Variants in DYM observed in about 807,000 individuals in gnomAD.
The protein encoded by DYM is dyggve-Melchior-Clausen syndrome protein.
In DYM, 78 loss-of-function variants were observed where a neutral mutation model predicts 93.1. That is an observed-to-expected ratio of 0.84 (90% CI 0.70 to 1.01). The LOEUF (loss-of-function observed/expected upper bound fraction) is 1.01. Ranked by LOEUF, DYM falls within the 50% of genes least tolerant of loss-of-function variation. DYM has a pLI of 0.00. For missense variants in DYM, 789 were observed against 845.0 expected (o/e 0.93, Z 0.82); for synonymous variants, 321 against 319.7 (o/e 1.00, Z -0.04).
intron 3 of DYM, among the ~76,000 whole-genome samples, chr18:49,391,218 T>G (rs1209337955): frequency 6.6e-6 from 1 of 152,226 alleles, no homozygotes; most frequent in Non-Finnish European, 1.5e-5. Context: ...TGCCATAATA[T>G]CAAGTTGTTA....
intron 8 of DYM, among the ~76,000 whole-genome samples, chr18:49,311,902 T>A (rs924346972): frequency 4.6e-5 from 7 of 151,054 alleles, no homozygotes; most frequent in Non-Finnish European, 7.4e-5. Context: ...AGAATTCACA[T>A]GAGAGATGAT....
chr18:49,084,607 T>C lies in DYM; in HGVS notation c.2025+12795A>G, dbSNP rs1430016558. Among the ~76,000 whole-genome samples, 9 of 152,342 alleles carry C rather than the reference T, an allele frequency of 5.9e-5. No individual in the cohort carries two copies. The East Asian group carries it at 1.7e-3, about 29-fold the overall frequency. ...TTCAGTTCTGTCAAGTTTTGTTTCA[T>C]TTATTTTGGGGAATTTTTTTAGTAG... On this transcript the variant is annotated intron_variant, in intron 17 of 17. Coordinates refer to ENST00000675505, the MANE Select transcript of DYM (RefSeq NM_001353214.3).
intron 14 of DYM, chr18:49,206,352 C>G (rs2092502596): frequency 6.5e-6 from 1 of 153,114 alleles, no homozygotes; most frequent in Non-Finnish European, 1.5e-5. Context: ...AACTGAGTTA[C>G]ATTTTTAAAT....
intron 17 of DYM, among the ~76,000 whole-genome samples, chr18:49,062,777 G>C (rs967030628): frequency 1.3e-5 from 2 of 152,206 alleles, no homozygotes; most frequent in African/African-American, 4.8e-5. Flanking sequence ...TCTTTACAAA[G>C]TTTAGAAAAA....
At chr18:49,442,204 G>A (rs544903293) in intron 1 of DYM, among the ~76,000 whole-genome samples, 1 of 152,272 alleles carries the variant, frequency 6.6e-6, no homozygotes, top group East Asian at 1.9e-4. Context: ...AGAATGGACA[G>A]TCAAAAATGA....
chr18:49,270,977 G>T (rs570455132), intron 11 of DYM, among the ~76,000 whole-genome samples: 1 of 152,218 alleles, frequency 6.6e-6, no homozygotes, highest in East Asian at 1.9e-4. Flanking sequence ...AAAATGGCCT[G>T]CAGGGACACA....
At chr18:49,084,193 G>A (rs925587638) in intron 17 of DYM, among the ~76,000 whole-genome samples, 2 of 152,096 alleles carry the variant, frequency 1.3e-5, no homozygotes, top group Non-Finnish European at 2.9e-5. Flanking sequence ...TTTTCATTTA[G>A]TTCAAACTGT....
chr18:49,046,451 A>G (rs1330885976), intron 17 of DYM, among the ~76,000 whole-genome samples: 2 of 149,614 alleles, frequency 1.3e-5, no homozygotes, highest in African/African-American at 4.9e-5. Context: ...ATACCCACAC[A>G]CTCACATGCA....
At position 49,121,636 on chromosome 18, in the gene DYM, C is replaced by A. The variant is rs373914485; in HGVS notation, c.1729-2710G>T. On this transcript the variant is annotated intron_variant, in intron 15 of 17. Coordinates refer to ENST00000675505, the MANE Select transcript of DYM (RefSeq NM_001353214.3). ...CCATCAAATTCAAATTATTAAAGAC[C>A]AAGACAAAGAGAAAATCTTGAGGAC... Among the ~76,000 whole-genome samples, 23 of 151,920 alleles carry A rather than the reference C, an allele frequency of 1.5e-4. 1 individual carries two copies. In the East Asian group the frequency reaches 3.5e-3, roughly 23 times the overall value.
At chr18:49,199,099 A>C (rs916849535) in intron 14 of DYM, among the ~76,000 whole-genome samples, 1 of 152,200 alleles carries the variant, frequency 6.6e-6, no homozygotes, top group Non-Finnish European at 1.5e-5. Flanking sequence ...GAAGCTGGAA[A>C]CCATCACTCT....
intron 14 of DYM, among the ~76,000 whole-genome samples, chr18:49,191,147 A>G (rs1355951997): frequency 6.6e-6 from 1 of 152,172 alleles, no homozygotes; most frequent in Admixed American, 6.5e-5. Flanking sequence ...TTTTGATAGT[A>G]ACTATACTTC....
At chr18:49,220,016 G>A (rs1204359140) in intron 13 of DYM, among the ~76,000 whole-genome samples, 9 of 151,624 alleles carry the variant, frequency 5.9e-5, no homozygotes, top group Admixed American at 2.6e-4. Flanking sequence ...CATTGTCTCA[G>A]CCCAAAATCT....
In DYM at chr18:49,209,474, ATG is replaced by A. The variant is rs2092679546; in HGVS notation, c.1625+75_1625+76del. On this transcript the variant is annotated intron_variant, in intron 14 of 17. Coordinates refer to ENST00000675505, the MANE Select transcript of DYM (RefSeq NM_001353214.3). ...TTCTCTTTAATAATTTAATTGACAC[ATG>A]TCTTATTAAAACATGCAATTGTCAG... 5 of 944,836 alleles carry A rather than the reference ATG, an allele frequency of 5.3e-6. No homozygotes were observed. The African/African-American group carries it at 6.9e-5, about 13-fold the overall frequency. 58.5% of individuals were successfully genotyped at this position (944,836 alleles called of 1,614,324 possible).
intron 15 of DYM, among the ~76,000 whole-genome samples, chr18:49,145,119 AT>A (rs2084953037): frequency 1.0e-5 from 1 of 100,432 alleles, no homozygotes; most frequent in Non-Finnish European, 2.0e-5. Flanking sequence ...ATATATATAT[AT>A]ATATATATAT....
chr18:49,428,114 G>C (rs181975588), intron 2 of DYM, among the ~76,000 whole-genome samples: 4 of 151,920 alleles, frequency 2.6e-5, no homozygotes, highest in Admixed American at 2.0e-4. Flanking sequence ...AAAAAGGAAT[G>C]CAAGTATTGG....
chr18:49,438,168 A>G (rs1342043025), intron 1 of DYM, among the ~76,000 whole-genome samples: 2 of 152,224 alleles, frequency 1.3e-5, no homozygotes. Context: ...CTTTGTATCA[A>G]AAATAAAATT....
At chr18:49,109,034 T>C (rs559427105) in intron 16 of DYM, among the ~76,000 whole-genome samples, 1 of 152,292 alleles carries the variant, frequency 6.6e-6, no homozygotes, top group South Asian at 2.1e-4. Flanking sequence ...TACCCCTTTT[T>C]TTTTTTATTA....
At chr18:49,287,651 T>C (rs893427652) in intron 8 of DYM, among the ~76,000 whole-genome samples, 18 of 151,896 alleles carry the variant, frequency 1.2e-4, no homozygotes. Flanking sequence ...TTGGGAGGCC[T>C]GACCAACATG....
intron 3 of DYM, among the ~76,000 whole-genome samples, chr18:49,385,244 C>A (rs1319073784): frequency 6.6e-6 from 1 of 152,160 alleles, no homozygotes; most frequent in African/African-American, 2.4e-5. Context: ...CTTTTTTACC[C>A]TTTATAAAGC....
Sources: allele counts gnomAD v4.1 joint callset (sites outside exome capture counted in the v4.1 genomes callset), GRCh38; gene constraint gnomAD v4.1.1; transcripts MANE v1.5; gene names NCBI Gene and HGNC (gene_info 2026-07-23, HGNC 2026-07-21).